Variants in ADTRP observed in about 807,000 individuals in gnomAD.
ADTRP encodes androgen dependent TFPI regulating protein, also known as androgen-dependent TFPI-regulating protein.
ADTRP carries 20 observed loss-of-function variants against 27.0 expected under a neutral mutation model. That is an observed-to-expected ratio of 0.74 (90% CI 0.52 to 1.08). ADTRP has a LOEUF of 1.08. Among genes scored for constraint, ADTRP ranks in the 50% least tolerant of loss-of-function variants. ADTRP has a pLI of 0.00. For missense variants in ADTRP, 251 were observed against 275.0 expected, an observed-to-expected ratio of 0.91 and a Z score of 0.62; for synonymous variants, 101 against 105.2, an observed-to-expected ratio of 0.96 and a Z score of 0.25.
chr6:11,757,440 T>C (rs1044993682), intron 3 of ADTRP, among the ~76,000 whole-genome samples: 1 of 152,232 alleles, frequency 6.6e-6, no homozygotes, highest in African/African-American at 2.4e-5. Context: ...TTCTCCTCTT[T>C]GATATCTTTT....
intron 1 of ADTRP, 55 bp downstream of exon 1, chr6:11,778,552 A>C: frequency 6.4e-7 from 1 of 1,558,602 alleles, no homozygotes; most frequent in South Asian, 1.2e-5. Flanking sequence ...TATGTGTGGC[A>C]GCACTGATAT....
At position 11,741,721 on chromosome 6, in the gene ADTRP, T is replaced by TAAA. The variant is rs66700409; in HGVS notation, c.391-6041_391-6039dup. The stretch of plus-strand genomic sequence containing the variant: ...ATCCAGTTAAGGATAAGATTTTTTT[T>TAAA]AAAAAAAAAAGATATGGGATCTTAG... On this transcript the variant is annotated intron_variant, in intron 3 of 5. Transcript: ENST00000414691. Among the ~76,000 whole-genome samples, 1,488 of 151,132 alleles carry TAAA rather than the reference T, an allele frequency of 9.8e-3. 12 individuals carry two copies. The highest frequency in any genetic ancestry group is 0.021 in the East Asian group (107 of 5,130).
chr6:11,726,822 T>A (rs1762219284), intron 4 of ADTRP, among the ~76,000 whole-genome samples: 1 of 152,160 alleles, frequency 6.6e-6, no homozygotes, highest in Non-Finnish European at 1.5e-5. Context: ...GTTGTAAATA[T>A]TGTGTACCTT....
At chr6:11,717,929 G>T (rs998155178) in intron 5 of ADTRP, among the ~76,000 whole-genome samples, 4 of 152,240 alleles carry the variant, frequency 2.6e-5, no homozygotes, top group African/African-American at 4.8e-5. Context: ...TGGAGTCATC[G>T]CATGATAAAA....
chr6:11,768,258 A>AG lies in ADTRP; in HGVS notation c.278dup (p.Val94CysfsTer48). ...CATCTTTGAAACTTACCGTGGATAC[A>AG]GGAAAAGCCAGAGTGGTGAAAAGCA... On this transcript the variant is annotated frameshift_variant, in exon 2 of 6. Coordinates refer to ENST00000414691, the MANE Select transcript of ADTRP (RefSeq NM_032744.4). LOFTEE classifies it high-confidence loss of function. 6.2e-7 allele frequency: 1 copy of AG among 1,614,214 alleles called. No individual in the cohort carries two copies. Among genetic ancestry groups the AG allele is most frequent in the Non-Finnish European group, 8.5e-7 (1 of 1,180,034 alleles).
At chr6:11,732,223 A>G (rs915728831) in intron 4 of ADTRP, among the ~76,000 whole-genome samples, 1 of 152,204 alleles carries the variant, frequency 6.6e-6, no homozygotes, top group African/African-American at 2.4e-5. Context: ...AACTATTTTT[A>G]GGTCATTTGA....
chr6:11,732,832 C>G (rs116395910), intron 4 of ADTRP, among the ~76,000 whole-genome samples: 1 of 152,186 alleles, frequency 6.6e-6, no homozygotes, highest in South Asian at 2.1e-4. Context: ...GGGAACAACA[C>G]GTGAAAGATT....
chr6:11,729,958 T>A (rs1336497006), intron 4 of ADTRP, among the ~76,000 whole-genome samples: 1 of 152,240 alleles, frequency 6.6e-6, no homozygotes, highest in Non-Finnish European at 1.5e-5. Context: ...CCATAAAACC[T>A]ATTCTGTTGT....
chr6:11,778,434 G>T (rs1429257967), intron 1 of ADTRP, among the ~76,000 whole-genome samples, 173 bp downstream of exon 1: 4 of 151,960 alleles, frequency 2.6e-5, no homozygotes, highest in Admixed American at 2.6e-4. Context: ...TTTCCAAATT[G>T]GGTTTATCAG....
intron 1 of ADTRP, among the ~76,000 whole-genome samples, chr6:11,769,873 C>G (rs1417501711): frequency 6.6e-6 from 1 of 152,154 alleles, no homozygotes; most frequent in Non-Finnish European, 1.5e-5. Flanking sequence ...GTTTAGCCCT[C>G]AAAAATCTTA....
intron 3 of ADTRP, among the ~76,000 whole-genome samples, chr6:11,738,941 G>A (rs1275592626): frequency 6.6e-6 from 1 of 152,114 alleles, no homozygotes; most frequent in Non-Finnish European, 1.5e-5. Context: ...GCAGTGAAGA[G>A]CTAAACATGA....
Position 11,759,972 on chromosome 6 carries a change from A to G in ADTRP, c.390+6302T>C, listed in dbSNP as rs1247447066. On this transcript the variant is annotated intron_variant, in intron 3 of 5. Transcript: ENST00000414691. The stretch of plus-strand genomic sequence containing the variant: ...GGTAAGTGGTCTGCCTGGAAGAAGT[A>G]AGGAAACAGAGTCTCCTCCACAGAC... Among the ~76,000 whole-genome samples the G allele has an allele frequency of 4.6e-5, 7 of 152,138 alleles. No individual in the cohort carries two copies. The East Asian group carries it at 1.3e-3, about 29-fold the overall frequency.
chr6:11,714,102 A>C lies in ADTRP; in HGVS notation c.*376T>G, dbSNP rs1761728975. The C allele has an allele frequency of 5.2e-6, 1 of 193,948 alleles. No individual in the cohort carries two copies. Among genetic ancestry groups the C allele is most frequent in the African/African-American group, 2.4e-5 (1 of 41,886 alleles). 12.0% of individuals were successfully genotyped at this position (193,948 alleles called of 1,614,324 possible). A position where few individuals can be genotyped will look rare whatever the true frequency, so the allele number is the denominator to read the frequency against. On this transcript the variant is annotated 3_prime_UTR_variant, in exon 6 of 6. Transcript: ENST00000414691. ...CAGGTAACTTCTCATCTAGGTCCTC[A>C]GCATCCTTCTCTGTAAACTGAAGAG...
At chr6:11,757,893 G>T (rs560913679) in intron 3 of ADTRP, among the ~76,000 whole-genome samples, 87 of 152,288 alleles carry the variant, frequency 5.7e-4, no homozygotes, top group Non-Finnish European at 9.9e-4. Flanking sequence ...ATACATTTCT[G>T]TTAATAAAGC....
intron 5 of ADTRP, chr6:11,717,353 G>A (rs965044343): frequency 3.7e-5 from 48 of 1,304,094 alleles, no homozygotes; most frequent in Non-Finnish European, 4.6e-5. Flanking sequence ...ACTTCCAATC[G>A]GGCCACTGGA....
chr6:11,750,933 C>A (rs559422813), intron 3 of ADTRP, among the ~76,000 whole-genome samples: 1 of 152,334 alleles, frequency 6.6e-6, no homozygotes, highest in African/African-American at 2.4e-5. Flanking sequence ...CTCTTTACAA[C>A]CTCCGCCTCC....
intron 5 of ADTRP, among the ~76,000 whole-genome samples, chr6:11,719,028 TGTGGCACAG>T: frequency 6.6e-6 from 1 of 152,370 alleles, no homozygotes; most frequent in East Asian, 1.9e-4. Flanking sequence ...CACCCACTGA[TGTGGCACAG>T]GAGGAGGGAG....
At chr6:11,737,235 T>C (rs1313841259) in intron 3 of ADTRP, among the ~76,000 whole-genome samples, 1 of 152,082 alleles carries the variant, frequency 6.6e-6, no homozygotes, top group Non-Finnish European at 1.5e-5. Context: ...TTTTTGTAGT[T>C]CCAGCTATCA....
intron 3 of ADTRP, among the ~76,000 whole-genome samples, chr6:11,751,300 C>A (rs930335582): frequency 2.0e-5 from 3 of 152,212 alleles, no homozygotes; most frequent in Admixed American, 1.3e-4. Flanking sequence ...ATCTAATCTA[C>A]CCCATACCAC....
Sources: gnomAD v4.1 joint callset for allele counts (sites outside exome capture counted in the v4.1 genomes callset) on GRCh38, gnomAD v4.1.1 for gene constraint, MANE v1.5 for transcripts, NCBI Gene and HGNC (gene_info 2026-07-23, HGNC 2026-07-21) for gene names.